Variants in CUX1 observed in about 807,000 individuals in gnomAD.
The protein encoded by CUX1 is protein CASP.
A neutral mutation model predicts 158.8 loss-of-function variants in CUX1; 31 were observed. The observed-to-expected ratio is 0.20, with a 90% CI of 0.15 to 0.26. The LOEUF is 0.26. Ranked by LOEUF, CUX1 falls within the 10% of genes least tolerant of loss-of-function variation. CUX1 has a pLI of 1.00. For synonymous variants in CUX1, 879 were observed against 862.1 expected (o/e 1.02, Z -0.34); for missense variants, 1,589 against 2,014.6 (o/e 0.79, Z 4.04).
intron 2 of CUX1, among the ~76,000 whole-genome samples, chr7:101,989,175 C>T (rs891127650): frequency 2.0e-5 from 3 of 151,992 alleles, no homozygotes; most frequent in Admixed American, 6.6e-5. Flanking sequence ...CCCCCAGCAC[C>T]GACGTCACCT....
At chr7:101,896,176 G>C (rs1334696050) in intron 1 of CUX1, among the ~76,000 whole-genome samples, 1 of 151,958 alleles carries the variant, frequency 6.6e-6, no homozygotes, top group Non-Finnish European at 1.5e-5. Context: ...TTACAGGTGT[G>C]AGCCACCATG....
rs546753264 is a variant in CUX1 at position 102,114,266 on chromosome 7, A to G, written c.608-941A>G. ...AAAATTTTTTCTTAACGTAAAATAC[A>G]CTTTCTTTTATTTTGTTACACTTTT... On this transcript the variant is annotated intron_variant, in intron 7 of 23. Transcript: ENST00000292535. 2.0e-5 allele frequency among the ~76,000 whole-genome samples: 3 copies of G among 152,276 alleles called. No individual in the cohort carries two copies. In the East Asian group the frequency reaches 5.8e-4, roughly 29 times the overall value.
intron 17 of CUX1, among the ~76,000 whole-genome samples, chr7:102,276,804 G>T (rs1186351018): frequency 1.3e-5 from 2 of 152,166 alleles, no homozygotes; most frequent in Admixed American, 1.3e-4. Flanking sequence ...GGGGAGGAGG[G>T]AATGGGGAGT....
Position 102,155,023 on chromosome 7 carries a change from T to C in CUX1, c.675-3537T>C, listed in dbSNP as rs369686150. 2.4e-4 allele frequency among the ~76,000 whole-genome samples: 36 copies of C among 152,342 alleles called. 1 individual carries two copies. The East Asian group carries it at 3.5e-3, about 15-fold the overall frequency. ...TCTTGTTGTGGGTACGCAGCAGCTATGTATTTTCATTGTCATCTTTTAAAT... is the reference window on the plus strand; with the variant it reads ...TCTTGTTGTGGGTACGCAGCAGCTACGTATTTTCATTGTCATCTTTTAAAT... On this transcript the variant is annotated intron_variant, in intron 8 of 23. Coordinates refer to ENST00000292535, the MANE Select transcript of CUX1 (RefSeq NM_181552.4).
intron 1 of CUX1, among the ~76,000 whole-genome samples, chr7:101,886,630 G>T (rs983625452): frequency 6.6e-6 from 1 of 152,130 alleles, no homozygotes; most frequent in African/African-American, 2.4e-5. Flanking sequence ...AAGGCTTAGG[G>T]TCCCCTGCGA....
intron 23 of CUX1, among the ~76,000 whole-genome samples, chr7:102,247,582 G>C (rs1235456724): frequency 1.3e-5 from 2 of 152,068 alleles, no homozygotes; most frequent in African/African-American, 4.8e-5. Flanking sequence ...CCAGCACTTG[G>C]GGAGGCCCAG....
At chr7:101,870,201 C>T (rs1314480270) in intron 1 of CUX1, among the ~76,000 whole-genome samples, 7 of 146,550 alleles carry the variant, frequency 4.8e-5, no homozygotes, top group African/African-American at 1.8e-4. Flanking sequence ...TCACCCAGAC[C>T]GTTGTACAGT....
chr7:102,169,931 G>A (rs1398746424), intron 9 of CUX1, among the ~76,000 whole-genome samples: 1 of 152,182 alleles, frequency 6.6e-6, no homozygotes, highest in Non-Finnish European at 1.5e-5. Flanking sequence ...AATAAGCCCG[G>A]CCTTTACAAA....
intron 2 of CUX1, among the ~76,000 whole-genome samples, chr7:101,943,324 C>G (rs1462539712): frequency 1.3e-5 from 2 of 151,710 alleles, no homozygotes; most frequent in Non-Finnish European, 2.9e-5. Flanking sequence ...CCAGGTTGGT[C>G]TTGAACTCCT....
chr7:102,051,467 T>C (rs1823488125), intron 3 of CUX1, among the ~76,000 whole-genome samples: 1 of 151,238 alleles, frequency 6.6e-6, no homozygotes, highest in East Asian at 2.0e-4. Context: ...GGCCAACATG[T>C]TGAAAGCCCG....
intron 2 of CUX1, among the ~76,000 whole-genome samples, chr7:101,938,781 C>T (rs1000422535): frequency 2.0e-5 from 3 of 152,150 alleles, no homozygotes; most frequent in South Asian, 2.1e-4. Flanking sequence ...TGGCTCATGC[C>T]GGTAATCCCA....
chr7:101,817,500 C>T (rs1159031822), upstream of CUX1: 3 of 1,131,344 alleles, frequency 2.7e-6, no homozygotes, highest in African/African-American at 3.3e-5. This position sits in a 1 kb window ranked among gnomAD's most constrained non-coding sequence, Gnocchi z 4.1. Flanking sequence ...CGGCCCGCGC[C>T]CGAGTCGCCG....
At chr7:102,110,494 A>G (rs1585720806) in intron 6 of CUX1, among the ~76,000 whole-genome samples, 1 of 152,198 alleles carries the variant, frequency 6.6e-6, no homozygotes, top group African/African-American at 2.4e-5. Context: ...TGTGTTACGC[A>G]TTCGTTCATA....
At chr7:101,902,076 C>T (rs1338991925) in intron 1 of CUX1, among the ~76,000 whole-genome samples, 2 of 152,186 alleles carry the variant, frequency 1.3e-5, no homozygotes, top group Non-Finnish European at 2.9e-5. Context: ...TGCCCCGTCT[C>T]GTTTTTCACT....
At chr7:101,870,556 G>C (rs1349200487) in intron 1 of CUX1, among the ~76,000 whole-genome samples, 6 of 152,126 alleles carry the variant, frequency 3.9e-5, no homozygotes, top group African/African-American at 1.4e-4. Flanking sequence ...TCCAGTCAAG[G>C]CTGTTTCTTT....
chr7:101,992,464 C>A (rs192163553), intron 2 of CUX1, among the ~76,000 whole-genome samples: 218 of 152,288 alleles, frequency 1.4e-3, no homozygotes, highest in African/African-American at 4.4e-3. Context: ...GAGACTGTTA[C>A]CTCACCACAG....
intron 1 of CUX1, among the ~76,000 whole-genome samples, chr7:101,829,848 G>A (rs1423372843): frequency 2.0e-5 from 3 of 152,222 alleles, no homozygotes; most frequent in East Asian, 1.9e-4. Flanking sequence ...GTTGGGGTAC[G>A]GTTGTGGCTC....
intron 8 of CUX1, among the ~76,000 whole-genome samples, chr7:102,132,650 C>CGTCATTTT (rs1173284087): frequency 2.7e-5 from 4 of 150,228 alleles, no homozygotes; most frequent in Non-Finnish European, 4.4e-5. Flanking sequence ...CTCTCACTAC[C>CGTCATTTT]GTCATTTTAA....
chr7:101,987,653 G>A (rs1814504112), intron 2 of CUX1, among the ~76,000 whole-genome samples: 1 of 152,202 alleles, frequency 6.6e-6, no homozygotes, highest in African/African-American at 2.4e-5. Context: ...GCAAGGGCGG[G>A]GACATTGCCT....
Sources: gnomAD v4.1 joint callset for allele counts (sites outside exome capture counted in the v4.1 genomes callset) on GRCh38, gnomAD v4.1.1 for gene constraint, Gnocchi (gnomAD v3.1) non-coding constraint, MANE v1.5 for transcripts, NCBI Gene and HGNC (gene_info 2026-07-23, HGNC 2026-07-21) for gene names.